PTPRD: variants seen among roughly 807,000 people sequenced by gnomAD.
PTPRD encodes the protein protein tyrosine phosphatase receptor type D.
PTPRD carries 34 observed loss-of-function variants against 214.5 expected under a neutral mutation model. The observed-to-expected ratio is 0.16, with a 90% confidence interval of 0.12 to 0.21. The LOEUF is 0.21. Among genes scored for constraint, PTPRD ranks in the 10% least tolerant of loss-of-function variants. The pLI, the probability that PTPRD is intolerant of heterozygous loss-of-function variation, is 1.00. For missense variants in PTPRD, 2,545 were observed against 2,398.7 expected (o/e 1.06, Z -1.27); for synonymous variants, 1,128 against 845.7 (o/e 1.33, Z -5.79).
At chr9:9,608,383 C>T (rs1343771681) in intron 7 of PTPRD, among the ~76,000 whole-genome samples, 2 of 152,134 alleles carry the variant, frequency 1.3e-5, no homozygotes, top group Non-Finnish European at 2.9e-5. Context: ...TAATACTGTA[C>T]TAAAAGTTTT....
chr9:8,845,770 C>A (rs1183234209), intron 11 of PTPRD, among the ~76,000 whole-genome samples: 2 of 151,980 alleles, frequency 1.3e-5, no homozygotes, highest in African/African-American at 4.9e-5. Flanking sequence ...ACATTTACCA[C>A]CAGCATATTT....
intron 12 of PTPRD, among the ~76,000 whole-genome samples, chr9:8,658,842 G>A (rs1294527339): frequency 6.6e-6 from 1 of 151,988 alleles, no homozygotes; most frequent in Non-Finnish European, 1.5e-5. Context: ...CCTTGATACG[G>A]AATCCCTGAT....
chr9:8,542,062 T>G (rs750541072), intron 14 of PTPRD, among the ~76,000 whole-genome samples: 1 of 152,066 alleles, frequency 6.6e-6, no homozygotes, highest in African/African-American at 2.4e-5. Flanking sequence ...AACCTTGACC[T>G]TCTTCTTCAA....
intron 35 of PTPRD, among the ~76,000 whole-genome samples, chr9:8,425,488 T>C (rs1197823663): frequency 6.6e-6 from 1 of 152,158 alleles, no homozygotes; most frequent in Non-Finnish European, 1.5e-5. Flanking sequence ...TGGGAACCCC[T>C]GAGCAAGCCA....
At chr9:10,323,607 G>C (rs948230478) in intron 3 of PTPRD, among the ~76,000 whole-genome samples, 2 of 151,528 alleles carry the variant, frequency 1.3e-5, no homozygotes, top group African/African-American at 4.8e-5. Context: ...AAAGATGGAG[G>C]GGCATCAATG....
rs201764097 is a variant in PTPRD, at chr9:9,693,055, T to TA, written c.-287+41477dup. Among the ~76,000 whole-genome samples, 9 of 152,208 alleles carry TA rather than the reference T, an allele frequency of 5.9e-5. No homozygotes were observed. In the East Asian group the frequency reaches 1.4e-3, roughly 23 times the overall value. ...AGGATTCTCAAAATATAAGATCATA[T>TA]AATCTACAAACAATGATAATATGAC... On this transcript the variant is annotated intron_variant, in intron 7 of 45. Coordinates refer to ENST00000381196, the MANE Select transcript of PTPRD (RefSeq NM_002839.4).
At chr9:10,229,170 T>G (rs942289442) in intron 3 of PTPRD, among the ~76,000 whole-genome samples, 1 of 151,996 alleles carries the variant, frequency 6.6e-6, no homozygotes, top group Non-Finnish European at 1.5e-5. Flanking sequence ...TCACACCAAT[T>G]AGAATGGCGA....
At chr9:9,011,853 TC>T (rs1367731330) in intron 11 of PTPRD, among the ~76,000 whole-genome samples, 1 of 152,148 alleles carries the variant, frequency 6.6e-6, no homozygotes, top group Admixed American at 6.6e-5. Context: ...CTAAGGTCTT[TC>T]CTTTGGTCTC....
intron 7 of PTPRD, among the ~76,000 whole-genome samples, chr9:9,625,189 C>T (rs145215779): frequency 9.5e-4 from 144 of 152,268 alleles, no homozygotes; most frequent in African/African-American, 3.3e-3. Flanking sequence ...ACATCTCCTT[C>T]TAAAGTTGGA....
chr9:9,741,632 T>A (rs144703816), intron 6 of PTPRD, among the ~76,000 whole-genome samples: 1 of 152,218 alleles, frequency 6.6e-6, no homozygotes, highest in Non-Finnish European at 1.5e-5. Flanking sequence ...CAGGCCCCAG[T>A]GTGTGATGTT....
intron 4 of PTPRD, among the ~76,000 whole-genome samples, chr9:10,027,902 T>G (rs2154127168): frequency 6.6e-6 from 1 of 152,286 alleles, no homozygotes; most frequent in South Asian, 2.1e-4. Flanking sequence ...CCTAATGGAT[T>G]TTGTTTCCAC....
At position 8,772,837 on chromosome 9, in the gene PTPRD, CTAGA is replaced by C. The variant is rs2095293426; in HGVS notation, c.-103-38895_-103-38892del. Among the ~76,000 whole-genome samples, 5 of 151,846 alleles carry C rather than the reference CTAGA, an allele frequency of 3.3e-5. No homozygotes were observed. The South Asian group carries it at 8.3e-4, about 25-fold the overall frequency. On this transcript the variant is annotated intron_variant, in intron 11 of 45. Coordinates refer to ENST00000381196, the MANE Select transcript of PTPRD (RefSeq NM_002839.4). ...TATTGTTAATTTTATTTTGGGGGTG[CTAGA>C]TATTTTTGTGTCCCTATAAATATTC... is the stretch of plus-strand genomic sequence containing the variant.
intron 8 of PTPRD, among the ~76,000 whole-genome samples, chr9:9,477,948 C>T (rs1057476925): frequency 6.6e-6 from 1 of 152,100 alleles, no homozygotes; most frequent in African/African-American, 2.4e-5. Flanking sequence ...ATTTGTGTAT[C>T]TTCTAAAAGC....
chr9:9,030,762 G>C (rs2099602679), intron 10 of PTPRD, among the ~76,000 whole-genome samples: 1 of 151,750 alleles, frequency 6.6e-6, no homozygotes, highest in Non-Finnish European at 1.5e-5. Flanking sequence ...ATTCAACAAG[G>C]TGCTAAGATA....
intron 8 of PTPRD, among the ~76,000 whole-genome samples, chr9:9,489,966 T>G (rs917867869): frequency 9.9e-5 from 15 of 152,142 alleles, no homozygotes; most frequent in Admixed American, 7.9e-4. Context: ...GTCAACAAAA[T>G]TTCAAAAGCC....
chr9:8,556,094 T>C (rs995796630), intron 14 of PTPRD, among the ~76,000 whole-genome samples: 23 of 152,196 alleles, frequency 1.5e-4, no homozygotes, highest in African/African-American at 5.6e-4. Context: ...AGGCAAGAAT[T>C]TCAAGCTCTC....
At chr9:9,353,904 A>G (rs887441494) in intron 9 of PTPRD, among the ~76,000 whole-genome samples, 4 of 151,818 alleles carry the variant, frequency 2.6e-5, no homozygotes, top group African/African-American at 9.7e-5. Context: ...TGAGTCATCT[A>G]GAAGCTCTGA....
At position 8,492,867 on chromosome 9, in the gene PTPRD, C is replaced by G. The variant is rs2136300459; in HGVS notation, c.2462G>C (p.Gly821Ala). The change falls in exon 27 of 46, where the codon GGG becomes GCG. Residue 821 changes from glycine (G) to alanine (A), a missense_variant. By Grantham distance (60) the Gly-to-Ala change is moderately conservative (BLOSUM62 0). Coordinates refer to ENST00000381196, the MANE Select transcript of PTPRD (RefSeq NM_002839.4). ...RSKPKLVSTTGAVPGKPRLVI... is the reference protein window; with the variant it reads ...RSKPKLVSTTAAVPGKPRLVI... ...ACATGCACAGACATGATTACCTGCC[C>G]CAGTGGTGGACACCAGTTTGGGCTT... The G allele has an allele frequency of 6.2e-7, 1 of 1,612,272 alleles. No individual in the cohort carries two copies. The highest frequency in any genetic ancestry group is 8.5e-7 in the Non-Finnish European group (1 of 1,178,536).
intron 12 of PTPRD, among the ~76,000 whole-genome samples, chr9:8,680,334 A>G (rs1465075272): frequency 6.6e-6 from 1 of 152,188 alleles, no homozygotes; most frequent in African/African-American, 2.4e-5. Context: ...AGGAAACATA[A>G]TTGCCTACAG....
Sources: allele counts gnomAD v4.1 joint callset (sites outside exome capture counted in the v4.1 genomes callset), GRCh38; gene constraint gnomAD v4.1.1; transcripts MANE v1.5; gene names NCBI Gene and HGNC (gene_info 2026-07-23, HGNC 2026-07-21).